LRCH1: variants seen among roughly 807,000 people sequenced by gnomAD.
The protein encoded by LRCH1 is leucine-rich repeat and calponin homology domain-containing protein 1.
A neutral mutation model predicts 94.9 loss-of-function variants in LRCH1; 23 were observed. That is an observed-to-expected ratio of 0.24 (90% CI 0.17 to 0.34). LRCH1 has a LOEUF of 0.34. Ranked by LOEUF, LRCH1 falls within the 10% of genes least tolerant of loss-of-function variation. The probability of loss-of-function intolerance (pLI) is 1.00; values close to 1 mark genes in which losing one functional copy is unlikely to be tolerated. For missense variants in LRCH1, 790 were observed against 945.9 expected (o/e 0.84, Z 2.16); for synonymous variants, 364 against 354.9 (o/e 1.03, Z -0.29).
intron 13 of LRCH1, among the ~76,000 whole-genome samples, chr13:46,711,279 C>A (rs1202300367): frequency 6.6e-6 from 1 of 152,168 alleles, no homozygotes; most frequent in African/African-American, 2.4e-5. Context: ...CATTTTATGA[C>A]AGAAAAAATT....
At chr13:46,612,566 G>A (rs941393854) in intron 1 of LRCH1, among the ~76,000 whole-genome samples, 3 of 152,046 alleles carry the variant, frequency 2.0e-5, no homozygotes, top group Non-Finnish European at 4.4e-5. Context: ...TCTCAATTTT[G>A]AAGCACCCCT....
chr13:46,674,170 A>C (rs2051640553), intron 3 of LRCH1, among the ~76,000 whole-genome samples: 1 of 152,214 alleles, frequency 6.6e-6, no homozygotes. Flanking sequence ...AAATAAAAAA[A>C]CTTTAGCCAT....
At chr13:46,653,672 A>AAT (rs2051335013) in intron 2 of LRCH1, among the ~76,000 whole-genome samples, 1 of 151,908 alleles carries the variant, frequency 6.6e-6, no homozygotes, top group Admixed American at 6.6e-5. Context: ...TGAAAAAAAA[A>AAT]ATACAAAAAG....
chr13:46,735,788 C>CTT lies in LRCH1; in HGVS notation c.2085+1793_2085+1794dup, dbSNP rs1288570749. Reference sequence around the variant, plus strand: ...AGGTGATTTTCCTTTTTTTCTTTTTCTTTTCTTTTTTTTTTTTTTTTCGAG... The same window carrying CTT: ...AGGTGATTTTCCTTTTTTTCTTTTTCTTTTTTCTTTTTTTTTTTTTTTTCGAG... On this transcript the variant is annotated intron_variant, in intron 19 of 19. Transcript: ENST00000389797. 1.1e-4 allele frequency among the ~76,000 whole-genome samples: 8 copies of CTT among 69,912 alleles called. 1 individual carries two copies. Among genetic ancestry groups the CTT allele is most frequent in the East Asian group, 9.0e-4 (2 of 2,228 alleles). The allele number at this position is 69,912 out of a possible 152,430, so 45.9% of individuals were successfully genotyped here. A position where few individuals can be genotyped will look rare whatever the true frequency, so the allele number is the denominator to read the frequency against.
chr13:46,573,831 G>A (rs2050267613), intron 1 of LRCH1, among the ~76,000 whole-genome samples: 2 of 105,700 alleles, frequency 1.9e-5, no homozygotes, highest in South Asian at 3.7e-4. Context: ...AGCACAACAG[G>A]GTGACTATAG....
At chr13:46,697,225 TG>T (rs1208249734) in intron 9 of LRCH1, among the ~76,000 whole-genome samples, 4 of 152,200 alleles carry the variant, frequency 2.6e-5, no homozygotes, top group African/African-American at 9.7e-5. Flanking sequence ...CCTAACTCAC[TG>T]GGGAAATAGA....
intron 3 of LRCH1, among the ~76,000 whole-genome samples, chr13:46,676,321 A>C (rs1446179984): frequency 6.6e-6 from 1 of 152,164 alleles, no homozygotes; most frequent in Non-Finnish European, 1.5e-5. Flanking sequence ...ACTGTTAAGA[A>C]ATCAAAATTG....
intron 1 of LRCH1, among the ~76,000 whole-genome samples, chr13:46,577,568 C>CA (rs1352658910): frequency 6.6e-6 from 1 of 152,160 alleles, no homozygotes; most frequent in Non-Finnish European, 1.5e-5. Flanking sequence ...GTAGGTTATA[C>CA]AGGGTGGATA....
At chr13:46,730,907 C>G in intron 18 of LRCH1, among the ~76,000 whole-genome samples, 1 of 152,136 alleles carries the variant, frequency 6.6e-6, no homozygotes, top group Non-Finnish European at 1.5e-5. Context: ...CCTTTATCTT[C>G]AGGAAAAATG....
At chr13:46,731,667 C>A (rs1487749948) in intron 18 of LRCH1, among the ~76,000 whole-genome samples, 2 of 152,208 alleles carry the variant, frequency 1.3e-5, no homozygotes, top group Non-Finnish European at 2.9e-5. Flanking sequence ...AAAAATTCTT[C>A]ACCAAGCATC....
At chr13:46,577,767 A>AAAGG (rs1594257114) in intron 1 of LRCH1, among the ~76,000 whole-genome samples, 1 of 152,336 alleles carries the variant, frequency 6.6e-6, no homozygotes, top group East Asian at 1.9e-4. Flanking sequence ...AAACAGCAAG[A>AAAGG]AAGGAAGGAA....
intron 1 of LRCH1, among the ~76,000 whole-genome samples, chr13:46,602,264 T>C (rs1164635538): frequency 6.6e-6 from 1 of 152,270 alleles, no homozygotes; most frequent in African/African-American, 2.4e-5. Flanking sequence ...TTGAAGATGA[T>C]GTAGCTTCGT....
chr13:46,712,452 A>G, intron 14 of LRCH1, 73 bp from the exon 15 acceptor site: 1 of 1,191,246 alleles, frequency 8.4e-7, no homozygotes, highest in South Asian at 1.3e-5. Context: ...ATCCTTGAAC[A>G]TAGAAAACCA....
At chr13:46,673,873 C>T (rs1391304832) in intron 3 of LRCH1, among the ~76,000 whole-genome samples, 1 of 151,896 alleles carries the variant, frequency 6.6e-6, no homozygotes, top group East Asian at 1.9e-4. Context: ...CTCCGCCTCC[C>T]AGGTTCAAGC....
chr13:46,615,512 G>GA (rs904650489), intron 1 of LRCH1, among the ~76,000 whole-genome samples: 9 of 152,182 alleles, frequency 5.9e-5, no homozygotes, highest in Admixed American at 2.6e-4. Context: ...TTTGGAGGGG[G>GA]AAAAAACCTC....
At chr13:46,716,350 C>T (rs1283345513) in intron 16 of LRCH1, among the ~76,000 whole-genome samples, 5 of 152,078 alleles carry the variant, frequency 3.3e-5, no homozygotes. Flanking sequence ...TAAGAGATTA[C>T]AATAAAACAT....
Position 46,727,187 on chromosome 13 carries a change from G to A in LRCH1, c.1870-1660G>A, listed in dbSNP as rs373021438. Among the ~76,000 whole-genome samples the A allele has an allele frequency of 1.4e-4, 22 of 152,258 alleles. No homozygotes were observed. In the South Asian group the frequency reaches 2.5e-3, roughly 17 times the overall value. ...ATTTTGGCAAAGAAATAGAAGACACGAAGAAAAACCAAATGGAAATTGGGA... is the reference window on the plus strand; with the variant it reads ...ATTTTGGCAAAGAAATAGAAGACACAAAGAAAAACCAAATGGAAATTGGGA... On this transcript the variant is annotated intron_variant, in intron 17 of 19. Transcript: ENST00000389797.
intron 18 of LRCH1, among the ~76,000 whole-genome samples, chr13:46,731,577 G>A (rs1873110479): frequency 1.3e-5 from 2 of 152,156 alleles, no homozygotes; most frequent in African/African-American, 4.8e-5. Context: ...ACATATTTTA[G>A]CCTGTTTTAT....
At chr13:46,624,148 T>A (rs1208512705) in intron 1 of LRCH1, among the ~76,000 whole-genome samples, 3 of 152,148 alleles carry the variant, frequency 2.0e-5, no homozygotes, top group Non-Finnish European at 4.4e-5. Flanking sequence ...CCTCCCAAAG[T>A]GCTGGGATTA....
Sources: gnomAD v4.1 joint callset for allele counts (sites outside exome capture counted in the v4.1 genomes callset) on GRCh38, gnomAD v4.1.1 for gene constraint, MANE v1.5 for transcripts, NCBI Gene and HGNC (gene_info 2026-07-23, HGNC 2026-07-21) for gene names.